CNTNAP4: variants seen among roughly 807,000 people sequenced by gnomAD.
CNTNAP4 encodes the protein contactin associated protein family member 4, also known as contactin-associated protein-like 4.
CNTNAP4 carries 98 observed loss-of-function variants against 148.4 expected under a neutral mutation model. That is an observed-to-expected ratio of 0.66 (90% CI 0.56 to 0.78). CNTNAP4 has a LOEUF of 0.78. Ranked by LOEUF, CNTNAP4 falls within the 30% of genes least tolerant of loss-of-function variation. The pLI, the probability that CNTNAP4 is intolerant of heterozygous loss-of-function variation, is 0.00. For synonymous variants in CNTNAP4, 730 were observed against 565.1 expected, an observed-to-expected ratio of 1.29 and a Z score of -4.14; for missense variants, 1,935 against 1,565.6, an observed-to-expected ratio of 1.24 and a Z score of -3.98.
intron 15 of CNTNAP4, among the ~76,000 whole-genome samples, chr16:76,500,610 T>C (rs1295785489): frequency 7.2e-5 from 6 of 82,826 alleles, no homozygotes; most frequent in East Asian, 3.9e-4. Context: ...TTTTTTTTTT[T>C]CCAGTTTGTG....
rs2080988139 is a variant in CNTNAP4, at chr16:76,462,020, T to C, written c.1398T>C (p.Ser466=). ...TATCTGCTAAAAAGAATCACTTGAGTGTGGCGGTGGACGGCCAGATGGCTT... is the reference window on the plus strand; with the variant it reads ...TATCTGCTAAAAAGAATCACTTGAGCGTGGCGGTGGACGGCCAGATGGCTT... ...VSLSAKKNHL[S]VAVDGQMASA... is the part of the protein sequence containing the mutation. The change falls in exon 9 of 24, where the codon AGT becomes AGC. Residue 466 remains serine (S), a synonymous_variant. Coordinates refer to ENST00000611870, the MANE Select transcript of CNTNAP4 (RefSeq NM_033401.5). The C allele has an allele frequency of 1.9e-6, 3 of 1,613,696 alleles. No homozygotes were observed. The highest frequency in any genetic ancestry group is 2.7e-5 in the African/African-American group (2 of 74,904).
chr16:76,470,646 G>A (rs1039304604), intron 10 of CNTNAP4, among the ~76,000 whole-genome samples: 22 of 150,864 alleles, frequency 1.5e-4, no homozygotes, highest in South Asian at 2.1e-4. Flanking sequence ...GTGAAACGCC[G>A]TCTCGAAAAA....
At chr16:76,420,117 C>T (rs1275450755) in intron 3 of CNTNAP4, among the ~76,000 whole-genome samples, 1 of 105,066 alleles carries the variant, frequency 9.5e-6, no homozygotes, top group Non-Finnish European at 2.4e-5. Context: ...TCTTGTGGTG[C>T]AGTGTAGAGC....
chr16:76,377,332 G>A (rs1047034079), intron 3 of CNTNAP4, among the ~76,000 whole-genome samples: 8 of 152,238 alleles, frequency 5.3e-5, no homozygotes, highest in South Asian at 2.1e-4. Context: ...TCAAGGTGAT[G>A]CATAACTTTA....
chr16:76,460,773 A>AAAAAAAAAAATAT, intron 8 of CNTNAP4, among the ~76,000 whole-genome samples: 2 of 57,320 alleles, frequency 3.5e-5, no homozygotes, highest in African/African-American at 1.3e-4. Context: ...AAAAAAAAAA[A>AAAAAAAAAAATAT]ATATATATAT....
chr16:76,399,649 C>G (rs1329984651), intron 3 of CNTNAP4, among the ~76,000 whole-genome samples: 1 of 152,074 alleles, frequency 6.6e-6, no homozygotes, highest in Non-Finnish European at 1.5e-5. Flanking sequence ...TTTGCATTTC[C>G]TTTTTCGTTT....
intron 23 of CNTNAP4, 66 bp from the exon 24 acceptor site, chr16:76,558,424 C>T (rs1390617998): frequency 1.5e-5 from 13 of 858,372 alleles, no homozygotes; most frequent in Non-Finnish European, 2.2e-5. Flanking sequence ...ACTTATTAAG[C>T]AATGAAGTCA....
At chr16:76,383,393 C>CAA (rs2016188668) in intron 3 of CNTNAP4, among the ~76,000 whole-genome samples, 1 of 52,650 alleles carries the variant, frequency 1.9e-5, no homozygotes, top group Non-Finnish European at 3.8e-5. Flanking sequence ...AATACAGGAA[C>CAA]AGAAAAAAAA....
At chr16:76,394,987 A>G (rs1223914155) in intron 3 of CNTNAP4, among the ~76,000 whole-genome samples, 1 of 152,100 alleles carries the variant, frequency 6.6e-6, no homozygotes, top group Non-Finnish European at 1.5e-5. Flanking sequence ...TGGAGAATTA[A>G]TAGAACAACT....
intron 8 of CNTNAP4, among the ~76,000 whole-genome samples, chr16:76,453,910 T>A (rs929345034): frequency 6.6e-5 from 10 of 152,032 alleles, no homozygotes; most frequent in African/African-American, 2.2e-4. Flanking sequence ...AGAAATAAAT[T>A]AATGAGTCTC....
Position 76,316,454 on chromosome 16 carries a change from T to G in CNTNAP4, c.127T>G (p.Ser43Ala). The part of the protein sequence containing the change: ...DPLVSALPQA[S>A]FSSSSELSSS... ...TCTTGTGTCTGCCTTGCCTCAGGCA[T>G]CCTTCAGCAGTTCTTCCGAGCTCTC... The change falls in exon 2 of 24, where the codon TCC becomes GCC. Residue 43 changes from serine to alanine, a missense_variant. By Grantham distance (99) the Ser-to-Ala change is moderately conservative. Coordinates refer to ENST00000611870, the MANE Select transcript of CNTNAP4 (RefSeq NM_033401.5). 1 of 1,613,936 alleles carries G rather than the reference T, an allele frequency of 6.2e-7. No individual in the cohort carries two copies. Among genetic ancestry groups the G allele is most frequent in the South Asian group, 1.1e-5 (1 of 91,076 alleles).
At chr16:76,470,986 T>G (rs1431783359) in intron 10 of CNTNAP4, among the ~76,000 whole-genome samples, 1 of 152,072 alleles carries the variant, frequency 6.6e-6, no homozygotes, top group East Asian at 1.9e-4. Context: ...ATATTAATCC[T>G]TACTCATGCA....
chr16:76,377,152 T>G (rs2015502328), intron 3 of CNTNAP4, among the ~76,000 whole-genome samples: 1 of 152,052 alleles, frequency 6.6e-6, no homozygotes, highest in African/African-American at 2.4e-5. Flanking sequence ...AAGTCAGTCT[T>G]TTTTTTCATA....
At chr16:76,349,945 T>C (rs1965233365) in intron 2 of CNTNAP4, among the ~76,000 whole-genome samples, 1 of 152,096 alleles carries the variant, frequency 6.6e-6, no homozygotes, top group Non-Finnish European at 1.5e-5. Flanking sequence ...AAGGTGATTC[T>C]TATCTATATT....
Position 76,323,199 on chromosome 16 carries a change from T to G in CNTNAP4, c.196+6676T>G, listed in dbSNP as rs531375122. ...CAGAGTCAAATAATTAGTTTTTTAATGTTTGTTATTAGATTGAAGTAAAGC... is the reference window on the plus strand; with the variant it reads ...CAGAGTCAAATAATTAGTTTTTTAAGGTTTGTTATTAGATTGAAGTAAAGC... On this transcript the variant is annotated intron_variant, in intron 2 of 23. Coordinates refer to ENST00000611870, the MANE Select transcript of CNTNAP4 (RefSeq NM_033401.5). Among the ~76,000 whole-genome samples, 56 of 152,316 alleles carry G rather than the reference T, an allele frequency of 3.7e-4. 1 individual carries two copies. The highest frequency in any genetic ancestry group is 1.3e-3 in the African/African-American group (54 of 41,574).
In CNTNAP4 at chr16:76,505,607, A is replaced by G. The variant is rs1326584020; in HGVS notation, c.2365+6913A>G. ...TAGAGCTACACACAAAAACAGGCTG[A>G]GTTGTACTCTATATAAATTACCATA... On this transcript the variant is annotated intron_variant, in intron 15 of 23. Transcript: ENST00000611870. Among the ~76,000 whole-genome samples, 10 of 97,784 alleles carry G rather than the reference A, an allele frequency of 1.0e-4. 4 individuals carry two copies. Among genetic ancestry groups the G allele is most frequent in the Non-Finnish European group, 2.6e-4 (9 of 34,434 alleles). The allele number at this position is 97,784 out of a possible 152,430, so 64.2% of individuals were successfully genotyped here.
intron 21 of CNTNAP4, among the ~76,000 whole-genome samples, chr16:76,544,494 C>G (rs1458370155): frequency 6.6e-6 from 1 of 152,058 alleles, no homozygotes; most frequent in Non-Finnish European, 1.5e-5. Flanking sequence ...TTCTAACTAC[C>G]TGTTACAATT....
chr16:76,533,414 G>A (rs1229644503), intron 17 of CNTNAP4, among the ~76,000 whole-genome samples: 2 of 152,086 alleles, frequency 1.3e-5, no homozygotes, highest in African/African-American at 4.8e-5. Context: ...TTCTAGTGTT[G>A]TATGCCACTG....
chr16:76,538,218 G>C lies in CNTNAP4; in HGVS notation c.3098G>C (p.Gly1033Ala). Reference sequence around the variant, plus strand: ...AGCTCCCACGCTGCTTCATTTCATGGTGATATGAAGCTGAGCAGAGAAATG... The same window carrying C: ...AGCTCCCACGCTGCTTCATTTCATGCTGATATGAAGCTGAGCAGAGAAATG... ...NSSSHAASFHGDMKLSREMIK... is the reference protein window; with the variant it reads ...NSSSHAASFHADMKLSREMIK... The change falls in exon 19 of 24, where the codon GGT (glycine) becomes GCT (alanine). Residue 1033 changes from glycine (G) to alanine (A), a missense_variant. Gly to Ala is a moderately conservative substitution (Grantham distance 60). Coordinates refer to ENST00000611870, the MANE Select transcript of CNTNAP4 (RefSeq NM_033401.5). 1 of 1,608,000 alleles carries C rather than the reference G, an allele frequency of 6.2e-7. No homozygotes were observed. The highest frequency in any genetic ancestry group is 2.2e-5 in the East Asian group (1 of 44,526).
Sources: allele counts gnomAD v4.1 joint callset (sites outside exome capture counted in the v4.1 genomes callset), GRCh38; gene constraint gnomAD v4.1.1; transcripts MANE v1.5; gene names NCBI Gene and HGNC (gene_info 2026-07-23, HGNC 2026-07-21).